Variants in NUP160 observed in about 807,000 individuals in gnomAD.
The protein encoded by NUP160 is nuclear pore complex protein Nup160.
A neutral mutation model predicts 196.9 loss-of-function variants in NUP160; 94 were observed. That is an observed-to-expected ratio of 0.48 (90% confidence interval 0.40 to 0.57). The LOEUF is 0.57. Among genes scored for constraint, NUP160 ranks in the 20% least tolerant of loss-of-function variants. The probability of loss-of-function intolerance (pLI) is 0.00; values close to 1 mark genes in which losing one functional copy is unlikely to be tolerated. For missense variants in NUP160, 1,638 were observed against 1,748.3 expected (o/e 0.94, Z 1.13); for synonymous variants, 605 against 619.7 (o/e 0.98, Z 0.35).
At chr11:47,804,795 T>C (rs1599319380) in intron 20 of NUP160, among the ~76,000 whole-genome samples, 177 bp from the exon 21 acceptor site, 1 of 152,172 alleles carries the variant, frequency 6.6e-6, no homozygotes, top group Non-Finnish European at 1.5e-5. Flanking sequence ...GTTACTTTTA[T>C]ACCAGGAGAC....
At chr11:47,817,941 T>C (rs1048784733) in intron 11 of NUP160, 115 bp downstream of exon 11, 41 of 570,070 alleles carry the variant, frequency 7.2e-5, no homozygotes, top group Non-Finnish European at 1.3e-4. Flanking sequence ...AACACACATA[T>C]GTATGAATAC....
chr11:47,819,956 G>C (rs1210659021), intron 9 of NUP160, among the ~76,000 whole-genome samples: 1 of 152,174 alleles, frequency 6.6e-6, no homozygotes, highest in Non-Finnish European at 1.5e-5. Flanking sequence ...CTCCAACTCT[G>C]CAGCCTGTGC....
chr11:47,792,853 G>A, exon 28 of NUP160: 4 of 1,614,166 alleles, frequency 2.5e-6, no homozygotes, highest in Admixed American at 1.7e-5. Flanking sequence ...ACAATTGAGA[G>A]CAGCCAGATA....
rs2097673158 is a variant in NUP160, at chr11:47,799,926, T to C, written c.2896-1463A>G. 1.3e-5 allele frequency among the ~76,000 whole-genome samples: 2 copies of C among 152,168 alleles called. 1 individual carries two copies. The highest frequency in any genetic ancestry group is 4.1e-4 in the South Asian group (2 of 4,832). On this transcript the variant is annotated intron_variant, in intron 23 of 35. Coordinates refer to ENST00000378460, the Ensembl canonical transcript of NUP160. ...GCTCACGTGTTTGTGGTGATGCTGGTGTAAACAAACCTACTGTGCTGCCAG... is the reference window on the plus strand; with the variant it reads ...GCTCACGTGTTTGTGGTGATGCTGGCGTAAACAAACCTACTGTGCTGCCAG...
chr11:47,810,381 T>C (rs1188213657), intron 17 of NUP160, among the ~76,000 whole-genome samples: 8 of 151,962 alleles, frequency 5.3e-5, no homozygotes, highest in Admixed American at 3.9e-4. Context: ...TATTTTTTTG[T>C]AGAGATGAGG....
chr11:47,798,021 A>T (rs1384168946), exon 26 of NUP160: 1 of 1,581,692 alleles, frequency 6.3e-7, no homozygotes, highest in Non-Finnish European at 8.6e-7. Context: ...AAGATCCTGT[A>T]GCTGTGAGCG....
intron 19 of NUP160, 76 bp downstream of exon 19, chr11:47,806,994 T>G: frequency 9.5e-7 from 1 of 1,050,686 alleles, no homozygotes; most frequent in Non-Finnish European, 1.5e-6. Context: ...ATGGCAAAGG[T>G]GGCAAAAGAC....
At chr11:47,838,633 G>A (rs902502124) in intron 4 of NUP160, among the ~76,000 whole-genome samples, 5 of 98,432 alleles carry the variant, frequency 5.1e-5, no homozygotes, top group Non-Finnish European at 6.0e-5. Flanking sequence ...ACTTGAACCT[G>A]GGGGGGGCGG....
At chr11:47,784,648 A>C (rs2097663475) in intron 33 of NUP160, 1 of 214,960 alleles carries the variant, frequency 4.7e-6, no homozygotes, top group African/African-American at 2.3e-5. Flanking sequence ...AAGCTTCCCA[A>C]AGTACGTAAG....
At chr11:47,805,125 G>T (rs1384818662) in intron 20 of NUP160, among the ~76,000 whole-genome samples, 1 of 151,870 alleles carries the variant, frequency 6.6e-6, no homozygotes, top group Non-Finnish European at 1.5e-5. Flanking sequence ...AATATTTGTT[G>T]AATGAATGTC....
At chr11:47,805,954 C>T (rs2097677326) in intron 20 of NUP160, among the ~76,000 whole-genome samples, 199 bp downstream of exon 20, 2 of 151,938 alleles carry the variant, frequency 1.3e-5, no homozygotes, top group Admixed American at 1.3e-4. Flanking sequence ...GCTGGGATTA[C>T]AGGTGCAGGC....
Position 47,812,059 on chromosome 11 carries a change from C to G in NUP160, c.2241+5G>C. On this transcript the variant is annotated splice_donor_5th_base_variant and intron_variant, in intron 17 of 35. Coordinates refer to ENST00000378460, the Ensembl canonical transcript of NUP160. ...TTTACAAGTTTTCCCTCAAGCAGTA[C>G]TTACAGCATCTCCAAGCCTCATTAA... The G allele has an allele frequency of 6.2e-7, 1 of 1,613,946 alleles. No homozygotes were observed. The highest frequency in any genetic ancestry group is 8.5e-7 in the Non-Finnish European group (1 of 1,179,928).
intron 7 of NUP160, among the ~76,000 whole-genome samples, chr11:47,835,223 C>T (rs1341416586): frequency 6.6e-6 from 1 of 152,182 alleles, no homozygotes; most frequent in Non-Finnish European, 1.5e-5. Flanking sequence ...GCACCAAACA[C>T]ACAATGCTCA....
At chr11:47,814,525 A>G (rs1381742575) in intron 13 of NUP160, among the ~76,000 whole-genome samples, 1 of 150,528 alleles carries the variant, frequency 6.6e-6, no homozygotes, top group Non-Finnish European at 1.5e-5. Flanking sequence ...TGGGCGACAG[A>G]GCAAGACTGT....
intron 17 of NUP160, among the ~76,000 whole-genome samples, chr11:47,810,552 T>C (rs1486489773): frequency 1.1e-4 from 17 of 151,362 alleles, no homozygotes; most frequent in Admixed American, 1.1e-3. Flanking sequence ...TAATTTCTTT[T>C]TTTTTTTTTT....
chr11:47,783,603 A>G (rs2097662764), intron 33 of NUP160, among the ~76,000 whole-genome samples: 1 of 152,242 alleles, frequency 6.6e-6, no homozygotes, highest in South Asian at 2.1e-4. Flanking sequence ...AGAAGTTCAA[A>G]GAATCACCAG....
At chr11:47,831,231 A>G (rs1341117590) in intron 7 of NUP160, among the ~76,000 whole-genome samples, 2 of 152,220 alleles carry the variant, frequency 1.3e-5, no homozygotes, top group Admixed American at 1.3e-4. Context: ...AGGAAGAGAC[A>G]CAAATAACCA....
At chr11:47,838,599 T>C (rs1274441002) in intron 4 of NUP160, among the ~76,000 whole-genome samples, 1 of 151,316 alleles carries the variant, frequency 6.6e-6, no homozygotes, top group Non-Finnish European at 1.5e-5. Flanking sequence ...TTCCAGCTAC[T>C]TGGGAGGCTG....
At position 47,847,846 on chromosome 11, in the gene NUP160, A is replaced by G; in HGVS notation, c.314+2T>C. On this transcript the variant is annotated splice_donor_variant, in intron 2 of 35. Coordinates refer to ENST00000378460, the Ensembl canonical transcript of NUP160. LOFTEE classifies it high-confidence loss of function. The stretch of plus-strand genomic sequence containing the variant: ...GGGAGTTTGGCGAACCACAACACTT[A>G]CCAATGAATGAACCTGTTTCTGGTT... The G allele has an allele frequency of 6.2e-7, 1 of 1,605,586 alleles. No individual in the cohort carries two copies. Among genetic ancestry groups the G allele is most frequent in the Non-Finnish European group, 8.5e-7 (1 of 1,172,152 alleles).
Sources: gnomAD v4.1 joint callset for allele counts (sites outside exome capture counted in the v4.1 genomes callset) on GRCh38, gnomAD v4.1.1 for gene constraint, MANE v1.5 for transcripts, NCBI Gene and HGNC (gene_info 2026-07-23, HGNC 2026-07-21) for gene names.